Variants in WWOX observed in about 807,000 individuals in gnomAD.
The protein encoded by WWOX is WW domain-containing oxidoreductase.
A neutral mutation model predicts 46.2 loss-of-function variants in WWOX; 69 were observed. The observed-to-expected ratio is 1.49, with a 90% CI of 1.23 to 1.82. The LOEUF (loss-of-function observed/expected upper bound fraction) is 1.82. Among genes scored for constraint, WWOX ranks in the 40% most tolerant of loss-of-function variants. The probability of loss-of-function intolerance (pLI) is 0.00; values close to 1 mark genes in which losing one functional copy is unlikely to be tolerated. For missense variants in WWOX, 919 were observed against 542.6 expected (o/e 1.69, Z -6.89); for synonymous variants, 359 against 202.6 (o/e 1.77, Z -6.56).
intron 8 of WWOX, among the ~76,000 whole-genome samples, chr16:78,793,640 CA>C (rs995375943): frequency 2.0e-5 from 3 of 151,648 alleles, no homozygotes; most frequent in East Asian, 1.9e-4. Flanking sequence ...TAGCACACAG[CA>C]AAAAAAACTT....
At chr16:78,334,812 A>C (rs565831466) in intron 5 of WWOX, among the ~76,000 whole-genome samples, 1 of 100,910 alleles carries the variant, frequency 9.9e-6, no homozygotes, top group Non-Finnish European at 2.3e-5. Flanking sequence ...ACACACGCAC[A>C]CACACACACA....
intron 8 of WWOX, among the ~76,000 whole-genome samples, chr16:78,788,412 T>A (rs551151487): frequency 1.3e-5 from 2 of 152,292 alleles, no homozygotes; most frequent in East Asian, 3.9e-4. Context: ...TCCCCACCTT[T>A]TTGATTGTGA....
chr16:78,612,909 A>AAATTTT (rs1366879623), intron 8 of WWOX, among the ~76,000 whole-genome samples: 2 of 152,230 alleles, frequency 1.3e-5, no homozygotes, highest in Non-Finnish European at 2.9e-5. Flanking sequence ...AAGAAATAGT[A>AAATTTT]AATTTTAGTA....
intron 8 of WWOX, among the ~76,000 whole-genome samples, chr16:78,859,241 A>C (rs1401279872): frequency 4.0e-5 from 6 of 151,526 alleles, no homozygotes; most frequent in Admixed American, 2.6e-4. Flanking sequence ...TTCCCAGCAT[A>C]AAGCTTGGGC....
chr16:79,020,972 T>A (rs1305667446), intron 8 of WWOX, among the ~76,000 whole-genome samples: 1 of 152,110 alleles, frequency 6.6e-6, no homozygotes, highest in Non-Finnish European at 1.5e-5. Flanking sequence ...AAATTGTGGG[T>A]AGCTAAATAG....
rs1477740808 is a variant in WWOX, at chr16:79,080,853, G to T, written c.1057-130755G>T. 2.0e-5 allele frequency among the ~76,000 whole-genome samples: 3 copies of T among 152,268 alleles called. No individual in the cohort carries two copies. In the South Asian group the frequency reaches 6.2e-4, roughly 32 times the overall value. On this transcript the variant is annotated intron_variant, in intron 8 of 8. Transcript: ENST00000566780. ...GAAAAGCATGGCTTTTATTCTAAGA[G>T]CAAAGGCATTTTGTATATTTGGCAG...
intron 8 of WWOX, among the ~76,000 whole-genome samples, chr16:78,500,385 C>G (rs1376194718): frequency 7.6e-6 from 1 of 130,870 alleles, no homozygotes; most frequent in Non-Finnish European, 1.6e-5. Context: ...GCATTTCTTT[C>G]TTCCTTCCTC....
intron 5 of WWOX, among the ~76,000 whole-genome samples, chr16:78,211,420 G>A (rs1035368405): frequency 6.6e-6 from 1 of 152,094 alleles, no homozygotes; most frequent in Non-Finnish European, 1.5e-5. Context: ...TCAGGTTCTT[G>A]GGGAAGACTT....
chr16:78,417,249 T>C (rs1444553605), intron 6 of WWOX, among the ~76,000 whole-genome samples: 1 of 152,066 alleles, frequency 6.6e-6, no homozygotes, highest in African/African-American at 2.4e-5. Flanking sequence ...TTTTTTTCTT[T>C]TTAGTTTTGA....
chr16:78,519,929 T>C (rs565934093), intron 8 of WWOX, among the ~76,000 whole-genome samples: 66 of 152,340 alleles, frequency 4.3e-4, no homozygotes, highest in African/African-American at 1.4e-3. Context: ...GTTTTTGAGA[T>C]TCTTTTTTCA....
chr16:78,334,820 A>G lies in WWOX; in HGVS notation c.517-52040A>G, dbSNP rs1053410961. Among the ~76,000 whole-genome samples, 539 of 87,796 alleles carry G rather than the reference A, an allele frequency of 6.1e-3. 3 individuals are homozygous for G. The highest frequency in any genetic ancestry group is 0.022 in the Middle Eastern group (4 of 186). The allele number at this position is 87,796 out of a possible 152,430, so 57.6% of individuals were successfully genotyped here. A position where few individuals can be genotyped will look rare whatever the true frequency, so the allele number is the denominator to read the frequency against. On this transcript the variant is annotated intron_variant, in intron 5 of 8. Transcript: ENST00000566780. ...CACACACACACACGCACACACACAC[A>G]CACACACACACATACACACACACAC...
At chr16:78,174,367 G>T (rs1294363695) in intron 5 of WWOX, among the ~76,000 whole-genome samples, 1 of 152,036 alleles carries the variant, frequency 6.6e-6, no homozygotes, top group Admixed American at 6.6e-5. Flanking sequence ...GGGAAAGACC[G>T]GCCCCCATGA....
At chr16:78,315,763 C>T (rs927368059) in intron 5 of WWOX, among the ~76,000 whole-genome samples, 8 of 152,128 alleles carry the variant, frequency 5.3e-5, no homozygotes, top group African/African-American at 1.7e-4. Context: ...CTTACAATGA[C>T]TCCATGTTAT....
chr16:78,997,440 T>G (rs1272910177), intron 8 of WWOX, among the ~76,000 whole-genome samples: 2 of 152,234 alleles, frequency 1.3e-5, no homozygotes, highest in Non-Finnish European at 2.9e-5. Context: ...TTGTTATTTC[T>G]GTATATCTGT....
At position 78,998,265 on chromosome 16, in the gene WWOX, C is replaced by T. The variant is rs1017633900; in HGVS notation, c.1057-213343C>T. 2.3e-4 allele frequency among the ~76,000 whole-genome samples: 35 copies of T among 152,310 alleles called. No homozygotes were observed. In the Middle Eastern group the frequency reaches 0.01, roughly 44 times the overall value. On this transcript the variant is annotated intron_variant, in intron 8 of 8. Coordinates refer to ENST00000566780, the MANE Select transcript of WWOX (RefSeq NM_016373.4). ...CTGGGACCCAGGACATGTTGGACTG[C>T]ACATCAGTTCATTCTCTCTGATCTA... is the stretch of plus-strand genomic sequence containing the variant.
chr16:78,326,073 CTCTG>C (rs2080606509), intron 5 of WWOX, among the ~76,000 whole-genome samples: 2 of 152,114 alleles, frequency 1.3e-5, no homozygotes, highest in African/African-American at 4.8e-5. Context: ...AGGAGTGAAT[CTCTG>C]TCTGCCTCTA....
intron 8 of WWOX, among the ~76,000 whole-genome samples, chr16:78,740,632 G>A (rs962116564): frequency 6.6e-6 from 1 of 152,124 alleles, no homozygotes; most frequent in Admixed American, 6.5e-5. Context: ...GTGCTGGAAG[G>A]GGACTTGGTG....
intron 8 of WWOX, among the ~76,000 whole-genome samples, chr16:79,017,590 C>T (rs571164321): frequency 1.3e-5 from 2 of 152,090 alleles, no homozygotes; most frequent in Non-Finnish European, 2.9e-5. Flanking sequence ...TGCCTTTCTA[C>T]TGCAAAAACA....
chr16:78,788,918 G>A (rs751539475), intron 8 of WWOX, among the ~76,000 whole-genome samples: 1 of 152,228 alleles, frequency 6.6e-6, no homozygotes. Context: ...TGCTTAGTAT[G>A]TGGGGAAAGT....
Sources: allele counts gnomAD v4.1 joint callset (sites outside exome capture counted in the v4.1 genomes callset), GRCh38; gene constraint gnomAD v4.1.1; transcripts MANE v1.5; gene names NCBI Gene and HGNC (gene_info 2026-07-23, HGNC 2026-07-21).